EHD1: variants seen among roughly 807,000 people sequenced by gnomAD.
EHD1 encodes the protein EH domain-containing protein 1.
EHD1 carries 19 observed loss-of-function variants against 39.0 expected under a neutral mutation model. The ratio of observed to expected loss-of-function variants is 0.49; its 90% CI spans 0.34 to 0.72. The LOEUF (loss-of-function observed/expected upper bound fraction) is 0.72. EHD1 is among the 30% of genes least tolerant of loss of function. The pLI is 0.01. For missense variants in EHD1, 542 were observed against 751.5 expected (o/e 0.72, Z 3.26); for synonymous variants, 323 against 331.2 (o/e 0.98, Z 0.27).
At chr11:64,867,510 A>C (rs1332135734) in intron 2 of EHD1, among the ~76,000 whole-genome samples, 1 of 151,314 alleles carries the variant, frequency 6.6e-6, no homozygotes, top group Admixed American at 6.6e-5. Context: ...CCTGAGGTCA[A>C]GAGTTCGAGA....
intron 3 of EHD1, chr11:64,859,493 T>G (rs1943689321): frequency 3.1e-5 from 5 of 160,310 alleles, no homozygotes; most frequent in Non-Finnish European, 5.5e-5. Context: ...GCACTCCAGC[T>G]TGGGCAACAG....
Position 64,854,559 on chromosome 11 carries a change from CCGT to C in EHD1, c.1376_1378del (p.Asn459_Gly460delinsSer). On this transcript the variant is annotated inframe_deletion, in exon 5 of 5. Coordinates refer to ENST00000320631, the MANE Select transcript of EHD1 (RefSeq NM_006795.4). ...CTTGGCGTTGGCGCCCGTGATCTTG[CCGT>C]TGACAGGGGACAGCGTGTAGAAGAT... 6.2e-7 allele frequency: 1 copy of C among 1,614,176 alleles called. No individual in the cohort carries two copies. Among genetic ancestry groups the C allele is most frequent in the Non-Finnish European group, 8.5e-7 (1 of 1,180,008 alleles).
chr11:64,855,240 G>A (rs1943637082), intron 4 of EHD1, 82 bp downstream of exon 4: 1 of 1,522,026 alleles, frequency 6.6e-7, no homozygotes, highest in African/African-American at 1.4e-5. Flanking sequence ...ATGGAGATGG[G>A]ATTCCCTCCA....
At chr11:64,873,698 A>C (rs528299927) in intron 2 of EHD1, among the ~76,000 whole-genome samples, 2 of 150,178 alleles carry the variant, frequency 1.3e-5, no homozygotes, top group South Asian at 4.2e-4. Context: ...TTTTTTTCTG[A>C]GACGGAGTCT....
rs755160517 is a variant in EHD1 at position 64,854,470 on chromosome 11, C to T, written c.1468G>A (p.Val490Met). 5.7e-5 allele frequency: 92 copies of T among 1,614,058 alleles called. No individual in the cohort carries two copies. The highest frequency in any genetic ancestry group is 4.9e-5 in the Non-Finnish European group (58 of 1,180,002). The change falls in exon 5 of 5, where the codon GTG becomes ATG. Residue 490 changes from valine to methionine, a missense_variant. Coordinates refer to ENST00000320631, the MANE Select transcript of EHD1 (RefSeq NM_006795.4). ...TCGTCCAGCAGCCCGTCCTTGTCCA[C>T]GTCGGCCAGCTTCCAGATCTTCCCT... ...VLGKIWKLADVDKDGLLDDEE... is the reference protein window; with the variant it reads ...VLGKIWKLADMDKDGLLDDEE...
intron 2 of EHD1, 89 bp from the exon 3 acceptor site, chr11:64,860,425 G>A (rs1943703192): frequency 1.4e-6 from 2 of 1,470,976 alleles, no homozygotes; most frequent in Admixed American, 5.0e-5. Context: ...GTATTTCTCA[G>A]CCTGAGATAG....
At chr11:64,855,287 C>T (rs1308176442) in intron 4 of EHD1, 35 bp downstream of exon 4, 4 of 1,606,618 alleles carry the variant, frequency 2.5e-6, no homozygotes. Context: ...GCCCTGATGG[C>T]CACCAGCCTG....
Position 64,853,792 on chromosome 11 carries a change from G to A in EHD1, c.*541C>T, listed in dbSNP as rs887684947. 18 of 157,402 alleles carry A rather than the reference G, an allele frequency of 1.1e-4. No homozygotes were observed. Among genetic ancestry groups the A allele is most frequent in the African/African-American group, 1.4e-4 (6 of 41,508 alleles). The allele number at this position is 157,402 out of a possible 1,614,324, so 9.8% of individuals were successfully genotyped here. The stretch of plus-strand genomic sequence containing the variant: ...GGAGGAAAGGGCAGGGCCCGCGCAC[G>A]GGGAGCCTGGGCCCGGGAGGGGAAG... On this transcript the variant is annotated 3_prime_UTR_variant, in exon 5 of 5. Coordinates refer to ENST00000320631, the MANE Select transcript of EHD1 (RefSeq NM_006795.4).
At chr11:64,858,464 C>T (rs922515644) in intron 3 of EHD1, among the ~76,000 whole-genome samples, 3 of 151,912 alleles carry the variant, frequency 2.0e-5, no homozygotes, top group Non-Finnish European at 4.4e-5. Context: ...GCTGGAATTA[C>T]AGGATGAGCC....
In EHD1 at chr11:64,860,326, A is replaced by G. The variant is rs1592746924; in HGVS notation, c.513T>C (p.Phe171=). Reference sequence around the variant, plus strand: ...CCGCGAACCACTCCAGGACGGCTGCAAAGTCATAGCCTGGGGGGAAGAGAA... The same window carrying G: ...CCGCGAACCACTCCAGGACGGCTGCGAAGTCATAGCCTGGGGGGAAGAGAA... ...EKQRISRGYD[F]AAVLEWFAER... is the part of the protein sequence containing the mutation. Residue 171 remains phenylalanine (F), a synonymous_variant, in exon 3 of 5, where the codon TTT becomes TTC. Transcript: ENST00000320631. 6 of 1,611,786 alleles carry G rather than the reference A, an allele frequency of 3.7e-6. No homozygotes were observed. The highest frequency in any genetic ancestry group is 1.1e-5 in the South Asian group (1 of 91,036).
chr11:64,873,363 A>T (rs574060217), intron 2 of EHD1, among the ~76,000 whole-genome samples: 18 of 152,320 alleles, frequency 1.2e-4, no homozygotes, highest in African/African-American at 4.3e-4. Context: ...TGGACGTGTG[A>T]GGAATGTATA....
intron 1 of EHD1, among the ~76,000 whole-genome samples, chr11:64,876,065 G>A (rs558852875): frequency 1.3e-4 from 20 of 152,304 alleles, no homozygotes; most frequent in Non-Finnish European, 2.2e-4. Context: ...AGATGCCTCC[G>A]ATTCCATCTC....
chr11:64,854,103 T>G lies in EHD1; in HGVS notation c.*230A>C. On this transcript the variant is annotated 3_prime_UTR_variant, in exon 5 of 5. Transcript: ENST00000320631. Reference sequence around the variant, plus strand: ...CGACAAAGAACGCAGCCTCTAACGTTATATATTAAAATAGCCACAGTTCTT... The same window carrying G: ...CGACAAAGAACGCAGCCTCTAACGTGATATATTAAAATAGCCACAGTTCTT... The G allele has an allele frequency of 1.3e-6, 1 of 740,840 alleles. No individual in the cohort carries two copies. Among genetic ancestry groups the G allele is most frequent in the Non-Finnish European group, 2.1e-6 (1 of 470,972 alleles). The allele number at this position is 740,840 out of a possible 1,614,324, so 45.9% of individuals were successfully genotyped here. A position where few individuals can be genotyped will look rare whatever the true frequency, so the allele number is the denominator to read the frequency against.
At position 64,878,444 on chromosome 11, in the gene EHD1, C is replaced by T; in HGVS notation, c.21G>A (p.Lys7=). The change falls in exon 1 of 5, where the codon AAG becomes AAA. Residue 7 remains lysine, a synonymous_variant. Transcript: ENST00000320631. ...CCGGCTCCTTCTTGCGGCGGGCATC[C>T]TTGCTGACCCAGCTGAACATACTGC... MFSWVS[K]DARRKKEPEL... is the part of the protein sequence containing the mutation. The T allele has an allele frequency of 1.2e-6, 2 of 1,610,616 alleles. No individual in the cohort carries two copies. Among genetic ancestry groups the T allele is most frequent in the Non-Finnish European group, 1.7e-6 (2 of 1,178,828 alleles).
At chr11:64,866,440 A>G (rs1158744514) in intron 2 of EHD1, among the ~76,000 whole-genome samples, 3 of 152,186 alleles carry the variant, frequency 2.0e-5, no homozygotes, top group Non-Finnish European at 4.4e-5. Context: ...TCACGCTTGT[A>G]ATCGCAGCAC....
At chr11:64,859,718 A>G (rs972733410) in intron 3 of EHD1, 16 of 684,258 alleles carry the variant, frequency 2.3e-5, no homozygotes, top group Non-Finnish European at 3.3e-5. Flanking sequence ...GTTTAGAGGG[A>G]GGCCGGGTAG....
At chr11:64,859,358 A>G (rs1231093810) in intron 3 of EHD1, among the ~76,000 whole-genome samples, 1 of 152,104 alleles carries the variant, frequency 6.6e-6, no homozygotes, top group Non-Finnish European at 1.5e-5. Flanking sequence ...TGTCTCTAAT[A>G]AAAATACAAA....
chr11:64,878,818 TG>T, upstream of EHD1: 1 of 1,158,364 alleles, frequency 8.6e-7, no homozygotes, highest in Admixed American at 4.6e-5. Flanking sequence ...GTGGTCCGGG[TG>T]CCGTGGCAAC....
chr11:64,877,824 C>T (rs1943901382), intron 1 of EHD1: 5 of 403,046 alleles, frequency 1.2e-5, no homozygotes, highest in South Asian at 9.8e-5. Flanking sequence ...TTGGTGGTTA[C>T]CCTGGAAGAT....
Sources: gnomAD v4.1 joint callset for allele counts (sites outside exome capture counted in the v4.1 genomes callset) on GRCh38, gnomAD v4.1.1 for gene constraint, MANE v1.5 for transcripts, NCBI Gene and HGNC (gene_info 2026-07-23, HGNC 2026-07-21) for gene names.